The following DRD3 variants were observed in gnomAD, a reference collection of about 807,000 sequenced individuals.
DRD3 encodes D(3) dopamine receptor.
A neutral mutation model predicts 36.3 loss-of-function variants in DRD3; 19 were observed. That is an observed-to-expected ratio of 0.52 (90% CI 0.36 to 0.77). The LOEUF (loss-of-function observed/expected upper bound fraction) is 0.77. Among genes scored for constraint, DRD3 ranks in the 30% least tolerant of loss-of-function variants. DRD3 has a pLI of 0.00. For synonymous variants in DRD3, 195 were observed against 203.7 expected (o/e 0.96, Z 0.36); for missense variants, 465 against 505.3 (o/e 0.92, Z 0.77).
At chr3:114,176,370 G>T (rs1352328067) in intron 1 of DRD3, among the ~76,000 whole-genome samples, 3 of 152,118 alleles carry the variant, frequency 2.0e-5, no homozygotes, top group African/African-American at 7.2e-5. Context: ...GGCTGAGATG[G>T]AAGGATCACT....
intron 2 of DRD3, among the ~76,000 whole-genome samples, chr3:114,166,264 G>A (rs2077783563): frequency 6.6e-6 from 1 of 152,116 alleles, no homozygotes; most frequent in Admixed American, 6.5e-5. Flanking sequence ...GGGATTACAG[G>A]CGTGAGCCAC....
upstream of DRD3, among the ~76,000 whole-genome samples, chr3:114,183,599 A>G (rs367735029): frequency 6.6e-6 from 1 of 151,304 alleles, no homozygotes; most frequent in East Asian, 1.9e-4. Context: ...ATGTATTTTG[A>G]TCGTCTGTTA....
chr3:114,157,329 C>T (rs2077691354), intron 3 of DRD3, among the ~76,000 whole-genome samples: 1 of 152,142 alleles, frequency 6.6e-6, no homozygotes, highest in South Asian at 2.1e-4. Flanking sequence ...GCTGGGATTA[C>T]AGGAGTAAGC....
intron 1 of DRD3, among the ~76,000 whole-genome samples, chr3:114,189,412 C>T (rs891363985): frequency 6.6e-6 from 1 of 152,136 alleles, no homozygotes; most frequent in African/African-American, 2.4e-5. Context: ...GTTTATCAGT[C>T]TTTTGAGCCT....
upstream of DRD3, among the ~76,000 whole-genome samples, chr3:114,182,248 G>A (rs572371301): frequency 6.6e-6 from 1 of 152,184 alleles, no homozygotes; most frequent in South Asian, 2.1e-4. Flanking sequence ...AGAACCATCT[G>A]AGAAAGTGTT....
chr3:114,150,072 C>A (rs1331838149), intron 3 of DRD3, among the ~76,000 whole-genome samples: 1 of 152,204 alleles, frequency 6.6e-6, no homozygotes, highest in Non-Finnish European at 1.5e-5. Flanking sequence ...AATGAATACA[C>A]TGTTGATGGC....
chr3:114,155,198 T>C (rs1224801638), intron 3 of DRD3, among the ~76,000 whole-genome samples: 1 of 152,232 alleles, frequency 6.6e-6, no homozygotes, highest in African/African-American at 2.4e-5. Flanking sequence ...GCATTTTTAA[T>C]GAATTGACCA....
At chr3:114,130,131 C>T (rs1024090254) in intron 6 of DRD3, among the ~76,000 whole-genome samples, 7 of 151,930 alleles carry the variant, frequency 4.6e-5, no homozygotes, top group African/African-American at 7.3e-5. Context: ...TGGGGGCATA[C>T]GCCTGTAGTT....
rs61072823 is a variant in DRD3 at position 114,130,426 on chromosome 3, AT to A, written c.1006+691del. 3.6e-3 allele frequency among the ~76,000 whole-genome samples: 489 copies of A among 137,068 alleles called. 2 individuals are homozygous for A. Among genetic ancestry groups the A allele is most frequent in the African/African-American group, 9.7e-3 (359 of 36,966 alleles). 89.9% of individuals were successfully genotyped at this position (137,068 alleles called of 152,430 possible). ...TTACTCTGTATTTAAAATAATCTAG[AT>A]TTTTTTTTTTTTTTTGAGATGGAGT... On this transcript the variant is annotated intron_variant, in intron 6 of 6. Coordinates refer to ENST00000383673, the MANE Select transcript of DRD3 (RefSeq NM_000796.6).
chr3:114,147,403 C>T lies in DRD3; in HGVS notation c.526+12G>A, dbSNP rs1168712667. ...ATCACATGGATGCTAGAAATGAAGC[C>T]ATCACTGTTACCTGTGGTATTAAAG... On this transcript the variant is annotated intron_variant, in intron 4 of 6. Transcript: ENST00000383673. 1 of 1,608,422 alleles carries T rather than the reference C, an allele frequency of 6.2e-7. No individual in the cohort carries two copies. Among genetic ancestry groups the T allele is most frequent in the Non-Finnish European group, 8.5e-7 (1 of 1,175,496 alleles).
At chr3:114,162,029 G>A (rs1418194213) in intron 2 of DRD3, among the ~76,000 whole-genome samples, 1 of 152,184 alleles carries the variant, frequency 6.6e-6, no homozygotes, top group African/African-American at 2.4e-5. Flanking sequence ...ATTCATTCAT[G>A]CACTTGTAGA....
intron 1 of DRD3, among the ~76,000 whole-genome samples, chr3:114,175,078 G>T (rs553165994): frequency 6.6e-6 from 1 of 152,000 alleles, no homozygotes. Context: ...TGTGCATTGT[G>T]GGGGGTTTAA....
intron 1 of DRD3, chr3:114,176,024 A>G (rs1038716961): frequency 6.6e-6 from 1 of 152,180 alleles, no homozygotes; most frequent in Non-Finnish European, 1.5e-5. Context: ...TAACCTATTT[A>G]AAAAGGCAGG....
rs1240025299 is a variant in DRD3, at chr3:114,156,799, C to CTTTCTT, written c.383+2955_383+2956insAAGAAA. 5.5e-3 allele frequency among the ~76,000 whole-genome samples: 503 copies of CTTTCTT among 91,484 alleles called. 1 individual carries two copies. The highest frequency in any genetic ancestry group is 0.013 in the East Asian group (41 of 3,160). 60.0% of individuals were successfully genotyped at this position (91,484 alleles called of 152,430 possible). ...TCTTTCTTTCTTTCTTTCTTTCTTT[C>CTTTCTT]TCTTTTCTTTTTCTTTCTTTTTTCT... On this transcript the variant is annotated intron_variant, in intron 3 of 6. Coordinates refer to ENST00000383673, the MANE Select transcript of DRD3 (RefSeq NM_000796.6).
chr3:114,184,849 T>G (rs1413481569), intron 1 of DRD3, among the ~76,000 whole-genome samples: 1 of 152,126 alleles, frequency 6.6e-6, no homozygotes, highest in Non-Finnish European at 1.5e-5. Flanking sequence ...TATGTGTGAG[T>G]CACTGCAACT....
chr3:114,165,817 T>A (rs530610197), intron 2 of DRD3, among the ~76,000 whole-genome samples: 1 of 152,150 alleles, frequency 6.6e-6, no homozygotes, highest in African/African-American at 2.4e-5. Context: ...CATTTCTCCA[T>A]CTATGAAATA....
Position 114,136,212 on chromosome 3 carries a change from T to TCAAAAACAAAAA in DRD3, c.723+3276_723+3287dup, listed in dbSNP as rs10627695. Among the ~76,000 whole-genome samples, 118 of 151,090 alleles carry TCAAAAACAAAAA rather than the reference T, an allele frequency of 7.8e-4. 4 individuals are homozygous for TCAAAAACAAAAA. The South Asian group carries it at 0.012, about 16-fold the overall frequency. ...CTGGGGAACAGAGTGAGACTCTGTCTCAAAAACAAAAACAAAAACAAAAAA... is the reference window on the plus strand; with the variant it reads ...CTGGGGAACAGAGTGAGACTCTGTCTCAAAAACAAAAACAAAAACAAAAACAAAAACAAAAAA... On this transcript the variant is annotated intron_variant, in intron 5 of 6. Coordinates refer to ENST00000383673, the MANE Select transcript of DRD3 (RefSeq NM_000796.6).
In DRD3 at chr3:114,171,692, T is replaced by C. The variant is rs1199596752; in HGVS notation, c.270+31A>G. ...GGGAAGACAAGTACTAGCACAGTCA[T>C]AGAGACAACATGCACCTGAAGTCTA... On this transcript the variant is annotated intron_variant, in intron 2 of 6. Coordinates refer to ENST00000383673, the MANE Select transcript of DRD3 (RefSeq NM_000796.6). 3.2e-6 allele frequency: 5 copies of C among 1,553,306 alleles called. No individual in the cohort carries two copies. In the South Asian group the frequency reaches 5.0e-5, roughly 16 times the overall value.
At chr3:114,145,120 C>T (rs1024910494) in intron 4 of DRD3, among the ~76,000 whole-genome samples, 1 of 151,994 alleles carries the variant, frequency 6.6e-6, no homozygotes, top group African/African-American at 2.4e-5. Context: ...GAACCACAGT[C>T]AGCCCAGCAG....
Sources: allele counts gnomAD v4.1 joint callset (sites outside exome capture counted in the v4.1 genomes callset), GRCh38; gene constraint gnomAD v4.1.1; transcripts MANE v1.5; gene names NCBI Gene and HGNC (gene_info 2026-07-23, HGNC 2026-07-21).